Variants in PLAU observed in about 807,000 individuals in gnomAD.
PLAU encodes the protein urokinase-type plasminogen activator.
A neutral mutation model predicts 48.9 loss-of-function variants in PLAU; 32 were observed. That is an observed-to-expected ratio of 0.65 (90% confidence interval 0.49 to 0.88). The LOEUF (loss-of-function observed/expected upper bound fraction) is 0.88, where lower values mean the gene tolerates loss of function less well. Ranked by LOEUF, PLAU falls within the 40% of genes least tolerant of loss-of-function variation. The pLI, the probability that PLAU is intolerant of heterozygous loss-of-function variation, is 0.00. For synonymous variants in PLAU, 199 were observed against 205.7 expected (o/e 0.97, Z 0.28); for missense variants, 455 against 545.2 (o/e 0.83, Z 1.65).
At chr10:73,914,279 AGG>A (rs2096131668) in intron 8 of PLAU, 151 bp downstream of exon 8, 1 of 714,874 alleles carries the variant, frequency 1.4e-6, no homozygotes, top group African/African-American at 1.8e-5. Context: ...AGGGAGTGGC[AGG>A]GAAGAGTTCC....
Position 73,916,478 on chromosome 10 carries a change from G to A in PLAU, c.1209G>A (p.Lys403=), listed in dbSNP as rs1164937347. Residue 403 remains lysine, a synonymous_variant, in exon 11 of 11, where the codon AAG becomes AAA. Coordinates refer to ENST00000372764, the MANE Select transcript of PLAU (RefSeq NM_002658.6). ...IVSWGRGCAL[K]DKPGVYTRVS... is the part of the protein sequence containing the mutation. ...GCTGGGGCCGTGGATGTGCCCTGAA[G>A]GACAAGCCAGGCGTCTACACGAGAG... 4 of 1,613,962 alleles carry A rather than the reference G, an allele frequency of 2.5e-6. No individual in the cohort carries two copies. Among genetic ancestry groups the A allele is most frequent in the Non-Finnish European group, 2.5e-6 (3 of 1,179,920 alleles).
Position 73,917,469 on chromosome 10 carries a change from T to A in PLAU, c.*904T>A, listed in dbSNP as rs1176389497. On this transcript the variant is annotated 3_prime_UTR_variant, in exon 11 of 11. Transcript: ENST00000372764. ...ATATTTTTGTAATTTTAAATAAAAG[T>A]GATCAATAAAATGTGATTTTTCTGA... 6.6e-6 allele frequency: 1 copy of A among 152,670 alleles called. No individual in the cohort carries two copies. Among genetic ancestry groups the A allele is most frequent in the Non-Finnish European group, 1.5e-5 (1 of 68,044 alleles). The allele number at this position is 152,670 out of a possible 1,614,324, so 9.5% of individuals were successfully genotyped here.
upstream of PLAU, chr10:73,909,892 G>A (rs1031900709): frequency 2.3e-4 from 5 of 21,480 alleles, no homozygotes; most frequent in African/African-American, 5.7e-4. Flanking sequence ...AGAGATGCGT[G>A]TGTGTGTGTG....
Position 73,916,239 on chromosome 10 carries a change from T to C in PLAU, c.1120-150T>C, listed in dbSNP as rs527407052. The C allele has an allele frequency of 5.8e-5, 41 of 709,008 alleles. No homozygotes were observed. In the African/African-American group the frequency reaches 6.4e-4, roughly 11 times the overall value. The allele number at this position is 709,008 out of a possible 1,614,324, so 43.9% of individuals were successfully genotyped here. A position where few individuals can be genotyped will look rare whatever the true frequency, so the allele number is the denominator to read the frequency against. On this transcript the variant is annotated intron_variant, in intron 10 of 10. Coordinates refer to ENST00000372764, the MANE Select transcript of PLAU (RefSeq NM_002658.6). ...GCCTGGGCGACAGAGCGAGATTCTG[T>C]CCTCCCCCCGAAAAAAAGAAAGAAA... is the stretch of plus-strand genomic sequence containing the variant.
At position 73,914,122 on chromosome 10, in the gene PLAU, G is replaced by T; in HGVS notation, c.823G>T (p.Asp275Tyr). The change falls in exon 8 of 11, where the codon GAC (aspartate) becomes TAC (tyrosine). Residue 275 changes from aspartate (D) to tyrosine (Y), a missense_variant. Asp to Tyr is a radical substitution (Grantham distance 160). Coordinates refer to ENST00000372764, the MANE Select transcript of PLAU (RefSeq NM_002658.6). ...YSADTLAHHNDIALLKIRSKE... is the reference protein window; with the variant it reads ...YSADTLAHHNYIALLKIRSKE... ...CGCTGACACGCTTGCTCACCACAAC[G>T]ACATTGGTGAGGGGGAACCCCGCGA... is the stretch of plus-strand genomic sequence containing the variant. 1 of 1,614,002 alleles carries T rather than the reference G, an allele frequency of 6.2e-7. No homozygotes were observed. Among genetic ancestry groups the T allele is most frequent in the South Asian group, 1.1e-5 (1 of 91,074 alleles).
intron 5 of PLAU, 92 bp downstream of exon 5, chr10:73,913,190 A>G (rs1257562053): frequency 6.3e-7 from 1 of 1,577,548 alleles, no homozygotes; most frequent in Non-Finnish European, 8.7e-7. Flanking sequence ...TGGCCATAGC[A>G]CAAGAGAAGT....
In PLAU at chr10:73,912,034, C is replaced by T. The variant is rs767324226; in HGVS notation, c.58-7C>T. ...TTTGATGAAGCCTCCTCCCGAATCT[C>T]TTCCAGGGCAGCAATGAACTTCATC... On this transcript the variant is annotated splice_region_variant and splice_polypyrimidine_tract_variant and intron_variant, in intron 2 of 10. Transcript: ENST00000372764. 1.9e-6 allele frequency: 3 copies of T among 1,612,896 alleles called. No homozygotes were observed. Among genetic ancestry groups the T allele is most frequent in the Middle Eastern group, 1.6e-4 (1 of 6,076 alleles).
chr10:73,914,200 C>A, intron 8 of PLAU, 72 bp downstream of exon 8: 2 of 1,550,344 alleles, frequency 1.3e-6, no homozygotes, highest in Non-Finnish European at 1.8e-6. Context: ...GAGACTGGAG[C>A]TGAGGTTGAA....
At chr10:73,909,765 A>G (rs143383352), upstream of PLAU, among the ~76,000 whole-genome samples, 27 of 152,292 alleles carry the variant, frequency 1.8e-4, no homozygotes, top group African/African-American at 6.0e-4. Flanking sequence ...CCTTCCCACT[A>G]AGAGAGCGAG....
At chr10:73,908,973 CTT>C (rs999134311), upstream of PLAU, among the ~76,000 whole-genome samples, 1 of 147,316 alleles carries the variant, frequency 6.8e-6, no homozygotes, top group African/African-American at 2.6e-5. Context: ...AAAACCTTGT[CTT>C]TAAAAAAAAA....
At chr10:73,914,692 T>C in intron 8 of PLAU, 84 bp from the exon 9 acceptor site, 3 of 1,368,272 alleles carry the variant, frequency 2.2e-6, no homozygotes, top group Non-Finnish European at 3.0e-6. Flanking sequence ...TAGGCATAGC[T>C]ACTTCCTCGG....
chr10:73,915,271 C>T lies in PLAU; in HGVS notation c.991C>T (p.Gln331Ter). The change falls in exon 10 of 11, where the codon CAG (glutamine) becomes TAG (stop). Residue 331 changes from glutamine (Q) to a stop codon, truncating the protein, a stop_gained. Coordinates refer to ENST00000372764, the MANE Select transcript of PLAU (RefSeq NM_002658.6). LOFTEE classifies it high-confidence loss of function. The stretch of plus-strand genomic sequence containing the variant: ...CCTAGCCGACTATCTCTATCCGGAG[C>T]AGCTGAAAATGACTGTTGTGAAGCT... The part of the protein sequence containing the change: ...ENSTDYLYPE[Q>*]LKMTVVKLIS... 6.2e-7 allele frequency: 1 copy of T among 1,613,770 alleles called. No homozygotes were observed. The highest frequency in any genetic ancestry group is 8.5e-7 in the Non-Finnish European group (1 of 1,179,822).
Position 73,916,414 on chromosome 10 carries a change from G to A in PLAU, c.1145G>A (p.Cys382Tyr). The change falls in exon 11 of 11, where the codon TGT becomes TAT. Residue 382 changes from cysteine to tyrosine, a missense_variant. Transcript: ENST00000372764. ...CQGDSGGPLVCSLQGRMTLTG... is the reference protein window; with the variant it reads ...CQGDSGGPLVYSLQGRMTLTG... ...GGAGACTCAGGGGGACCCCTCGTCT[G>A]TTCCCTCCAAGGCCGCATGACTTTG... 6.2e-7 allele frequency: 1 copy of A among 1,613,500 alleles called. No individual in the cohort carries two copies. Among genetic ancestry groups the A allele is most frequent in the Non-Finnish European group, 8.5e-7 (1 of 1,179,732 alleles).
At position 73,913,391 on chromosome 10, in the gene PLAU, A is replaced by G; in HGVS notation, c.460+10A>G. On this transcript the variant is annotated intron_variant, in intron 6 of 10. Transcript: ENST00000372764. ...CATGACTGCGCAGATGGTGAGCATC[A>G]CTGACCTGCTGATGACAGTGGGGTG... is the stretch of plus-strand genomic sequence containing the variant. The G allele has an allele frequency of 6.2e-7, 1 of 1,611,106 alleles. No individual in the cohort carries two copies. The highest frequency in any genetic ancestry group is 8.5e-7 in the Non-Finnish European group (1 of 1,177,324).
At chr10:73,910,790 A>G (rs1296523430), upstream of PLAU, 1 of 152,384 alleles carries the variant, frequency 6.6e-6, no homozygotes, top group Non-Finnish European at 1.5e-5. Context: ...AGAAGAACTG[A>G]TTAGAGGACC....
At position 73,911,563 on chromosome 10, in the gene PLAU, C is replaced by A; in HGVS notation, c.8C>A (p.Ala3Asp). The change falls in exon 2 of 11, where the codon GCC (alanine) becomes GAC (aspartate). Residue 3 changes from alanine to aspartate, a missense_variant. Ala to Asp is a moderately radical substitution (Grantham distance 126, BLOSUM62 -2). Transcript: ENST00000372764. ...CGCCCCGACCTCGCCACCATGAGAG[C>A]CCTGCTGGCGCGCCTGCTTCTCTGC... is the stretch of plus-strand genomic sequence containing the variant. Reference protein sequence around the residue: MRALLARLLLCVL... With the variant: MRDLLARLLLCVL... 3 of 1,612,978 alleles carry A rather than the reference C, an allele frequency of 1.9e-6. No homozygotes were observed. Among genetic ancestry groups the A allele is most frequent in the Non-Finnish European group, 2.5e-6 (3 of 1,179,982 alleles).
In PLAU at chr10:73,911,967, G is replaced by T. The variant is rs774958481; in HGVS notation, c.58-74G>T. The T allele has an allele frequency of 3.1e-6, 5 of 1,613,918 alleles. No individual in the cohort carries two copies. In the African/African-American group the frequency reaches 6.7e-5, roughly 22 times the overall value. On this transcript the variant is annotated intron_variant, in intron 2 of 10. Coordinates refer to ENST00000372764, the MANE Select transcript of PLAU (RefSeq NM_002658.6). ...AGGGAAGAGTGGGTTTTGGGATTGGGGCCAGTTTACCCTCACCCTGGAGTC... is the reference window on the plus strand; with the variant it reads ...AGGGAAGAGTGGGTTTTGGGATTGGTGCCAGTTTACCCTCACCCTGGAGTC...
Position 73,912,971 on chromosome 10 carries a change from A to G in PLAU, c.241A>G (p.Lys81Glu). Residue 81 changes from lysine (K) to glutamate (E), a missense_variant, in exon 5 of 11, where the codon AAG becomes GAG. By Grantham distance (56) the Lys-to-Glu change is moderately conservative. Transcript: ENST00000372764. Reference protein sequence around the residue: ...YEGNGHFYRGKASTDTMGRPC... With the variant: ...YEGNGHFYRGEASTDTMGRPC... ...GGGGAATGGTCACTTTTACCGAGGA[A>G]AGGCCAGCACTGACACCATGGGCCG... 1 of 1,614,058 alleles carries G rather than the reference A, an allele frequency of 6.2e-7. No homozygotes were observed. Among genetic ancestry groups the G allele is most frequent in the Non-Finnish European group, 8.5e-7 (1 of 1,179,984 alleles).
rs2096128505 is a variant in PLAU at position 73,913,206 on chromosome 10, C to T, written c.369-84C>T. 7 of 1,573,628 alleles carry T rather than the reference C, an allele frequency of 4.4e-6. No individual in the cohort carries two copies. The Admixed American group carries it at 1.2e-4, about 27-fold the overall frequency. On this transcript the variant is annotated intron_variant, in intron 5 of 10. Transcript: ENST00000372764. ...GGCCATAGCACAAGAGAAGTGCGGC[C>T]TCTGGTTGAGTCTTCCCTGAGGGGA...
Sources: allele counts gnomAD v4.1 joint callset (sites outside exome capture counted in the v4.1 genomes callset), GRCh38; gene constraint gnomAD v4.1.1; transcripts MANE v1.5; gene names NCBI Gene and HGNC (gene_info 2026-07-23, HGNC 2026-07-21).